FAM222A: variants seen among roughly 807,000 people sequenced by gnomAD.
FAM222A encodes family with sequence similarity 222 member A.
A neutral mutation model predicts 25.8 loss-of-function variants in FAM222A; 7 were observed. That is an observed-to-expected ratio of 0.27 (90% CI 0.15 to 0.51). FAM222A has a LOEUF of 0.51. Among genes scored for constraint, FAM222A ranks in the 20% least tolerant of loss-of-function variants. The pLI is 0.97. For synonymous variants in FAM222A, 294 were observed against 298.8 expected, an observed-to-expected ratio of 0.98 and a Z score of 0.17; for missense variants, 573 against 640.5, an observed-to-expected ratio of 0.89 and a Z score of 1.14.
At chr12:109,747,690 G>GTTACGT in intron 2 of FAM222A, among the ~76,000 whole-genome samples, 1 of 151,502 alleles carries the variant, frequency 6.6e-6, no homozygotes, top group South Asian at 2.1e-4. Flanking sequence ...CATTGTGTTG[G>GTTACGT]TTATTTCTGG....
At chr12:109,731,664 G>A (rs913490971) in intron 1 of FAM222A, among the ~76,000 whole-genome samples, 2 of 152,140 alleles carry the variant, frequency 1.3e-5, no homozygotes, top group African/African-American at 4.8e-5. Context: ...GGCTGGGGGT[G>A]GGGCTTGTGT....
In FAM222A at chr12:109,768,623, A is replaced by G; in HGVS notation, c.694A>G (p.Lys232Glu). Residue 232 changes from lysine to glutamate, a missense_variant, in exon 3 of 3, where the codon AAG becomes GAG. By Grantham distance (56) the Lys-to-Glu change is moderately conservative (BLOSUM62 1). Around this residue, in one of 3 missense-constraint regions of FAM222A, gnomAD observed 412 missense variants for 407.0 expected, o/e 1.01. Transcript: ENST00000538780. ...GMAIPHPSPA[K>E]HGPVPSFPSM... ...GGCTATTCCCCATCCCAGCCCTGCCAAGCACGGCCCAGTGCCCAGCTTCCC... is the reference window on the plus strand; with the variant it reads ...GGCTATTCCCCATCCCAGCCCTGCCGAGCACGGCCCAGTGCCCAGCTTCCC... The G allele has an allele frequency of 6.2e-7, 1 of 1,602,836 alleles. No individual in the cohort carries two copies. Among genetic ancestry groups the G allele is most frequent in the South Asian group, 1.1e-5 (1 of 90,988 alleles).
chr12:109,741,321 C>G (rs1888235808), intron 1 of FAM222A, among the ~76,000 whole-genome samples: 1 of 152,180 alleles, frequency 6.6e-6, no homozygotes, highest in Non-Finnish European at 1.5e-5. Context: ...GCCTGTAGCC[C>G]TCCAGAAGCA....
At chr12:109,721,713 G>A (rs995204036) in intron 1 of FAM222A, among the ~76,000 whole-genome samples, 4 of 152,194 alleles carry the variant, frequency 2.6e-5, no homozygotes, top group African/African-American at 7.2e-5. Flanking sequence ...AAGCCTTTTA[G>A]GTGGGAGGGT....
chr12:109,726,119 TAAAAAAAA>T (rs11464580), intron 1 of FAM222A, among the ~76,000 whole-genome samples: 1 of 110,382 alleles, frequency 9.1e-6, no homozygotes, highest in Non-Finnish European at 1.8e-5. Context: ...AAAAAATTGC[TAAAAAAAA>T]AAAAAAAAAA....
At position 109,769,081 on chromosome 12, in the gene FAM222A, T is replaced by G; in HGVS notation, c.1152T>G (p.Pro384=). Residue 384 remains proline, a synonymous_variant, in exon 3 of 3, where the codon CCT becomes CCG. Coordinates refer to ENST00000538780, the MANE Select transcript of FAM222A (RefSeq NM_032829.3). The stretch of plus-strand genomic sequence containing the variant: ...CAGCCCGGGAGCTGGCTGGGCCCCC[T>G]GCAGATGCCCTCTCGGGCCTGCCCA... ...PGAARELAGP[P]ADALSGLPSK... 1 of 1,604,262 alleles carries G rather than the reference T, an allele frequency of 6.2e-7. No homozygotes were observed. Among genetic ancestry groups the G allele is most frequent in the Non-Finnish European group, 8.5e-7 (1 of 1,176,190 alleles).
At chr12:109,746,344 C>G (rs1888397904) in intron 2 of FAM222A, among the ~76,000 whole-genome samples, 1 of 152,084 alleles carries the variant, frequency 6.6e-6, no homozygotes, top group Non-Finnish European at 1.5e-5. Flanking sequence ...CAAAAATTAT[C>G]CAGGCATGGT....
At chr12:109,728,951 G>A (rs142876691) in intron 1 of FAM222A, among the ~76,000 whole-genome samples, 4 of 147,346 alleles carry the variant, frequency 2.7e-5, no homozygotes, top group African/African-American at 1.0e-4. Flanking sequence ...GTCTTCCCAG[G>A]GCAAGGCAGT....
At chr12:109,736,545 C>G (rs1487601234) in intron 1 of FAM222A, among the ~76,000 whole-genome samples, 2 of 152,248 alleles carry the variant, frequency 1.3e-5, no homozygotes, top group African/African-American at 4.8e-5. Flanking sequence ...CATCATGACC[C>G]CCCCAGGCCA....
intron 1 of FAM222A, among the ~76,000 whole-genome samples, chr12:109,732,911 C>T (rs560678608): frequency 3.3e-5 from 5 of 152,368 alleles, no homozygotes; most frequent in South Asian, 2.1e-4. Context: ...ACAGTAGAAC[C>T]GGCACTCCAG....
chr12:109,768,214 C>T lies in FAM222A; in HGVS notation c.285C>T (p.His95=), dbSNP rs1889115876. ...SGQRYSPYPQ[H]TAGYQGLLAI... ...AGCGCTACAGCCCCTACCCACAGCA[C>T]ACCGCTGGCTACCAGGGCCTTCTGG... Residue 95 remains histidine, a synonymous_variant, in exon 3 of 3, where the codon CAC becomes CAT. Transcript: ENST00000538780. 3 of 1,612,730 alleles carry T rather than the reference C, an allele frequency of 1.9e-6. No homozygotes were observed. The highest frequency in any genetic ancestry group is 1.6e-4 in the Middle Eastern group (1 of 6,062).
rs190053719 is a variant in FAM222A, at chr12:109,716,452, C to G, written c.-47+1555C>G. Among the ~76,000 whole-genome samples, 312 of 152,348 alleles carry G rather than the reference C, an allele frequency of 2.0e-3. 2 individuals carry two copies. Among genetic ancestry groups the G allele is most frequent in the African/African-American group, 7.2e-3 (300 of 41,564 alleles). ...GCATTTTCCCTGCTCTTCTACCAAGCTCTCTAGCTAGATTAACAGGTCAAT... is the reference window on the plus strand; with the variant it reads ...GCATTTTCCCTGCTCTTCTACCAAGGTCTCTAGCTAGATTAACAGGTCAAT... On this transcript the variant is annotated intron_variant, in intron 1 of 2. Coordinates refer to ENST00000538780, the MANE Select transcript of FAM222A (RefSeq NM_032829.3).
intron 1 of FAM222A, among the ~76,000 whole-genome samples, chr12:109,730,801 A>G (rs1887933445): frequency 6.6e-6 from 1 of 152,130 alleles, no homozygotes; most frequent in Non-Finnish European, 1.5e-5. Flanking sequence ...GCATTAAAGG[A>G]TAAACTGCTG....
intron 2 of FAM222A, among the ~76,000 whole-genome samples, chr12:109,746,483 G>C (rs374161749): frequency 2.4e-4 from 36 of 151,324 alleles, no homozygotes; most frequent in African/African-American, 8.0e-4. Context: ...AGTGAGACTT[G>C]GTCTCAAAAA....
rs1887729291 is a variant in FAM222A at position 109,720,588 on chromosome 12, G to T, written c.-47+5691G>T. Among the ~76,000 whole-genome samples the T allele has an allele frequency of 2.0e-5, 3 of 152,244 alleles. No homozygotes were observed. The South Asian group carries it at 6.2e-4, about 31-fold the overall frequency. On this transcript the variant is annotated intron_variant, in intron 1 of 2. Transcript: ENST00000538780. ...GACCACCTTAGAGGGCAGCTGTGAGGTTTGGCAGTAACCGATAGCCAATGG... is the reference window on the plus strand; with the variant it reads ...GACCACCTTAGAGGGCAGCTGTGAGTTTTGGCAGTAACCGATAGCCAATGG...
intron 1 of FAM222A, chr12:109,734,484 AC>A (rs1450698976): frequency 6.6e-6 from 1 of 151,182 alleles, no homozygotes; most frequent in Non-Finnish European, 1.5e-5. Context: ...CTCTCCCGGC[AC>A]CCGTCTCCAC....
intron 1 of FAM222A, among the ~76,000 whole-genome samples, chr12:109,725,199 C>T (rs1887816943): frequency 6.6e-6 from 1 of 152,172 alleles, no homozygotes; most frequent in Non-Finnish European, 1.5e-5. Flanking sequence ...AAGAAAATAG[C>T]AGCCAGCATT....
chr12:109,761,589 C>A (rs926635713), intron 2 of FAM222A, among the ~76,000 whole-genome samples: 2 of 152,186 alleles, frequency 1.3e-5, no homozygotes, highest in Non-Finnish European at 2.9e-5. Context: ...AGAGAGCCTG[C>A]GAGGGTGTAG....
intron 2 of FAM222A, among the ~76,000 whole-genome samples, chr12:109,760,151 G>A (rs1359679372): frequency 5.3e-5 from 8 of 152,056 alleles, no homozygotes; most frequent in Admixed American, 2.6e-4. Context: ...GCTGGGTGGA[G>A]GCCATCCCTG....
Sources: allele counts gnomAD v4.1 joint callset (sites outside exome capture counted in the v4.1 genomes callset), GRCh38; gene constraint gnomAD v4.1.1; regional missense constraint gnomAD v4.1.1; transcripts MANE v1.5; gene names NCBI Gene and HGNC (gene_info 2026-07-23, HGNC 2026-07-21).